The following CSK variants were observed in gnomAD, a reference collection of about 807,000 sequenced individuals.
The protein encoded by CSK is C-terminal Src kinase.
CSK carries 7 observed loss-of-function variants against 62.3 expected under a neutral mutation model. The observed-to-expected ratio is 0.11, with a 90% CI of 0.06 to 0.21. The LOEUF is 0.21. Among genes scored for constraint, CSK ranks in the 10% least tolerant of loss-of-function variants. CSK has a pLI of 1.00. For missense variants in CSK, 294 were observed against 613.5 expected, an observed-to-expected ratio of 0.48 and a Z score of 5.50; for synonymous variants, 237 against 246.0, an observed-to-expected ratio of 0.96 and a Z score of 0.34.
At chr15:74,785,562 C>G (rs892017688) in intron 1 of CSK, among the ~76,000 whole-genome samples, 10 of 152,224 alleles carry the variant, frequency 6.6e-5, no homozygotes, top group African/African-American at 2.2e-4. Context: ...GTAACACCTA[C>G]TTCAGAGGAA....
At position 74,799,422 on chromosome 15, in the gene CSK, C is replaced by A. The variant is rs1596372481; in HGVS notation, c.393C>A (p.Ile131=). ...ACGGCAAGGTGGAGCACTACCGCATCATGTACCATGCCAGCAAGCTCAGCA... is the reference window on the plus strand; with the variant it reads ...ACGGCAAGGTGGAGCACTACCGCATAATGTACCATGCCAGCAAGCTCAGCA... ...SCDGKVEHYR[I]MYHASKLSID... The change falls in exon 5 of 13, where the codon ATC becomes ATA. Residue 131 remains isoleucine, a synonymous_variant. Coordinates refer to ENST00000220003, the MANE Select transcript of CSK (RefSeq NM_004383.3). 1 of 1,613,608 alleles carries A rather than the reference C, an allele frequency of 6.2e-7. No homozygotes were observed. Among genetic ancestry groups the A allele is most frequent in the Non-Finnish European group, 8.5e-7 (1 of 1,180,026 alleles).
Position 74,801,049 on chromosome 15 carries a change from G to A in CSK, c.760G>A (p.Val254Met), listed in dbSNP as rs749945630. The A allele has an allele frequency of 1.2e-6, 2 of 1,613,298 alleles. No individual in the cohort carries two copies. The highest frequency in any genetic ancestry group is 1.3e-5 in the African/African-American group (1 of 74,904). ...RHSNLVQLLG[V>M]IVEEKGGLYI... ...TAGCAACCTGGTGCAGCTCCTGGGCGTGATCGTGGAGGAGAAGGGCGGGCT... is the reference window on the plus strand; with the variant it reads ...TAGCAACCTGGTGCAGCTCCTGGGCATGATCGTGGAGGAGAAGGGCGGGCT... The change falls in exon 9 of 13, where the codon GTG becomes ATG. Residue 254 changes from valine (V) to methionine (M), a missense_variant. Around this residue, in one of 3 missense-constraint regions of CSK, gnomAD observed 202 missense variants for 415.7 expected, o/e 0.49. Coordinates refer to ENST00000220003, the MANE Select transcript of CSK (RefSeq NM_004383.3).
intron 1 of CSK, among the ~76,000 whole-genome samples, chr15:74,786,581 C>G (rs1039970618): frequency 2.0e-5 from 3 of 152,158 alleles, no homozygotes; most frequent in African/African-American, 4.8e-5. Context: ...TTGGACACAT[C>G]GGGAAACTCA....
Position 74,802,530 on chromosome 15 carries a change from G to A in CSK, c.*17G>A, listed in dbSNP as rs36039547. On this transcript the variant is annotated 3_prime_UTR_variant, in exon 13 of 13. Transcript: ENST00000220003. ...CACCTGTGACGGCTGGCCTCCGCCT[G>A]GGTCATGGGCCTGTGGGGACTGAAC... The A allele has an allele frequency of 3.7e-3, 5,953 of 1,611,328 alleles. 192 individuals are homozygous for A. The African/African-American group carries it at 0.069, about 19-fold the overall frequency.
In CSK at chr15:74,802,653, C is replaced by T. The variant is rs906730556; in HGVS notation, c.*140C>T. The T allele has an allele frequency of 5.8e-6, 6 of 1,030,458 alleles. No homozygotes were observed. Among genetic ancestry groups the T allele is most frequent in the Non-Finnish European group, 8.2e-6 (6 of 730,104 alleles). 63.8% of individuals were successfully genotyped at this position (1,030,458 alleles called of 1,614,324 possible). On this transcript the variant is annotated 3_prime_UTR_variant, in exon 13 of 13. Transcript: ENST00000220003. ...CCTTTTTCCTGCGTCCCAGCCTGCA[C>T]CCCTCCGGCCCCGTCTCTCTTGGAC...
At chr15:74,799,072 G>T (rs925064398) in intron 4 of CSK, 134 bp downstream of exon 4, 6 of 985,730 alleles carry the variant, frequency 6.1e-6, no homozygotes, top group Non-Finnish European at 7.4e-6. Context: ...CAGGGTGCGG[G>T]TGCGGGACCT....
chr15:74,785,984 TTCTC>T (rs199909339), intron 1 of CSK, among the ~76,000 whole-genome samples: 39 of 145,244 alleles, frequency 2.7e-4, no homozygotes, highest in Admixed American at 1.0e-3. Context: ...ACAAGGCCTC[TTCTC>T]TCTCTCTCTC....
At chr15:74,790,146 G>A (rs1311733492) in intron 1 of CSK, among the ~76,000 whole-genome samples, 2 of 152,266 alleles carry the variant, frequency 1.3e-5, no homozygotes. Flanking sequence ...CATCCAGCTA[G>A]GTCCTGTGGC....
chr15:74,785,048 G>C (rs1347640750), intron 1 of CSK, among the ~76,000 whole-genome samples: 1 of 152,150 alleles, frequency 6.6e-6, no homozygotes, highest in Non-Finnish European at 1.5e-5. Context: ...TCATTTTCTT[G>C]ATTTAGAAAA....
intron 9 of CSK, 108 bp from the exon 10 acceptor site, chr15:74,801,414 T>C: frequency 9.1e-7 from 1 of 1,096,052 alleles, no homozygotes; most frequent in Non-Finnish European, 1.3e-6. Context: ...ACTCCTTCCC[T>C]GTCTCACACC....
intron 1 of CSK, among the ~76,000 whole-genome samples, chr15:74,786,984 T>C (rs1349233574): frequency 6.6e-6 from 1 of 152,152 alleles, no homozygotes; most frequent in Non-Finnish European, 1.5e-5. Flanking sequence ...CAGCTTGGGA[T>C]GGGATGAGGT....
Position 74,798,617 on chromosome 15 carries a change from C to T in CSK, c.18C>T (p.Ala6=), listed in dbSNP as rs752949343. MSAIQ[A]AWPSGTECIA... Reference sequence around the variant, plus strand: ...CCCACGTGTCACCTGCCTTGCAGGCCGCCTGGCCATCCGGTACAGAATGTA... The same window carrying T: ...CCCACGTGTCACCTGCCTTGCAGGCTGCCTGGCCATCCGGTACAGAATGTA... The change falls in exon 3 of 13, where the codon GCC becomes GCT. Residue 6 remains alanine (A), a splice_region_variant and synonymous_variant. Transcript: ENST00000220003. The surrounding 1 kb of genome is among the most constrained non-coding windows in gnomAD (Gnocchi z 6.6). 296 of 1,612,996 alleles carry T rather than the reference C, an allele frequency of 1.8e-4. 3 individuals are homozygous for T. Among genetic ancestry groups the T allele is most frequent in the African/African-American group, 5.3e-5 (4 of 74,946 alleles).
Position 74,798,820 on chromosome 15 carries a change from C to A in CSK, c.130-6C>A. 1 of 1,601,326 alleles carries A rather than the reference C, an allele frequency of 6.2e-7. No homozygotes were observed. Among genetic ancestry groups the A allele is most frequent in the Non-Finnish European group, 8.5e-7 (1 of 1,172,636 alleles). On this transcript the variant is annotated splice_polypyrimidine_tract_variant and splice_region_variant and intron_variant, in intron 3 of 12. Coordinates refer to ENST00000220003, the MANE Select transcript of CSK (RefSeq NM_004383.3). This position sits in a 1 kb window ranked among gnomAD's most constrained non-coding sequence, Gnocchi z 6.6. ...TGAGAGCATGTCTGGGCTGCCCTCT[C>A]CCCAGGACCCCAACTGGTACAAAGC...
intron 1 of CSK, among the ~76,000 whole-genome samples, chr15:74,791,992 C>G (rs2063628680): frequency 6.6e-6 from 1 of 152,202 alleles, no homozygotes; most frequent in African/African-American, 2.4e-5. Flanking sequence ...GTTCTGCTCC[C>G]CTGGCAACTT....
intron 1 of CSK, among the ~76,000 whole-genome samples, chr15:74,784,794 G>A (rs2063491517): frequency 6.6e-6 from 1 of 152,220 alleles, no homozygotes. Context: ...ACCTGGGTGC[G>A]GTTCTGGGCT....
chr15:74,793,793 T>G (rs1189284983), intron 1 of CSK, among the ~76,000 whole-genome samples: 2 of 152,032 alleles, frequency 1.3e-5, no homozygotes, highest in Admixed American at 6.6e-5. Context: ...AGGGAGTGTT[T>G]GCAAACTGAC....
intron 1 of CSK, among the ~76,000 whole-genome samples, chr15:74,783,295 C>CT (rs903454266): frequency 3.9e-5 from 6 of 152,230 alleles, no homozygotes; most frequent in Admixed American, 1.3e-4. Context: ...GGCAGGCCTT[C>CT]TGCCCGGGGG....
chr15:74,793,269 C>T (rs1033595950), intron 1 of CSK: 8 of 152,542 alleles, frequency 5.2e-5, no homozygotes, highest in Admixed American at 5.2e-4. Flanking sequence ...TAGCCCTCTT[C>T]CCTGTTTCCA....
At chr15:74,785,998 C>CTTTTTTT (rs1297278876) in intron 1 of CSK, among the ~76,000 whole-genome samples, 1 of 44,930 alleles carries the variant, frequency 2.2e-5, no homozygotes, top group Non-Finnish European at 6.2e-5. Flanking sequence ...CTCTCTCTCT[C>CTTTTTTT]TCTCTTTTTT....
Sources: allele counts gnomAD v4.1 joint callset (sites outside exome capture counted in the v4.1 genomes callset), GRCh38; gene constraint gnomAD v4.1.1; regional missense constraint gnomAD v4.1.1; non-coding constraint Gnocchi (gnomAD v3.1); transcripts MANE v1.5; gene names NCBI Gene and HGNC (gene_info 2026-07-23, HGNC 2026-07-21).